The following COL4A2 variants were observed in gnomAD, a reference collection of about 807,000 sequenced individuals.
The protein encoded by COL4A2 is collagen alpha-2(IV) chain.
In COL4A2, 99 loss-of-function variants were observed where a neutral mutation model predicts 200.2. The ratio of observed to expected loss-of-function variants is 0.49; its 90% CI spans 0.42 to 0.58. The LOEUF (loss-of-function observed/expected upper bound fraction) is 0.58. Ranked by LOEUF, COL4A2 falls within the 20% of genes least tolerant of loss-of-function variation. The probability of loss-of-function intolerance (pLI) is 0.00; values close to 1 mark genes in which losing one functional copy is unlikely to be tolerated. For missense variants in COL4A2, 1,950 were observed against 2,314.1 expected, an observed-to-expected ratio of 0.84 and a Z score of 3.23; for synonymous variants, 897 against 900.6, an observed-to-expected ratio of 1.00 and a Z score of 0.07.
intron 29 of COL4A2, among the ~76,000 whole-genome samples, chr13:110,476,084 T>G (rs1369659725): frequency 6.6e-6 from 1 of 152,182 alleles, no homozygotes; most frequent in South Asian, 2.1e-4. Flanking sequence ...TGCTGCCCCC[T>G]GCTGAGGCCA....
chr13:110,365,158 C>T (rs1283869552), intron 4 of COL4A2, among the ~76,000 whole-genome samples: 1 of 149,360 alleles, frequency 6.7e-6, no homozygotes, highest in African/African-American at 2.5e-5. Context: ...TTTTTTTTTT[C>T]GAGGCGGAGT....
At chr13:110,335,810 AACTACTTCACATAT>A (rs1235044426) in intron 3 of COL4A2, among the ~76,000 whole-genome samples, 1 of 152,228 alleles carries the variant, frequency 6.6e-6, no homozygotes, top group Non-Finnish European at 1.5e-5. Context: ...ATGGAGTTTA[AACTACTTCACATAT>A]ACTATTTCAC....
intron 3 of COL4A2, among the ~76,000 whole-genome samples, chr13:110,338,825 G>A (rs1012328056): frequency 3.9e-5 from 6 of 152,242 alleles, no homozygotes; most frequent in African/African-American, 1.4e-4. Context: ...AAGAACGACT[G>A]GCTGCTGCCC....
At chr13:110,368,576 G>A (rs1036986168) in intron 4 of COL4A2, among the ~76,000 whole-genome samples, 1 of 152,130 alleles carries the variant, frequency 6.6e-6, no homozygotes, top group Non-Finnish European at 1.5e-5. Context: ...TCTTAGAAAT[G>A]ATTGCTCGTC....
At chr13:110,481,172 GT>G (rs1431885212) in intron 31 of COL4A2, among the ~76,000 whole-genome samples, 1 of 45,124 alleles carries the variant, frequency 2.2e-5, no homozygotes, top group African/African-American at 1.3e-4. Flanking sequence ...CTGTCCCTCC[GT>G]TGCTGGAGAC....
intron 24 of COL4A2, among the ~76,000 whole-genome samples, chr13:110,464,258 G>A (rs370225717): frequency 1.2e-4 from 19 of 152,250 alleles, no homozygotes; most frequent in African/African-American, 3.9e-4. Flanking sequence ...GCAGGTGGTC[G>A]GAGCAGGGTT....
chr13:110,360,816 G>A (rs1877482244), intron 4 of COL4A2, among the ~76,000 whole-genome samples: 1 of 151,760 alleles, frequency 6.6e-6, no homozygotes. Context: ...CTGGACTGTG[G>A]GATCCACTGT....
chr13:110,370,212 GA>G (rs145251384), intron 4 of COL4A2, among the ~76,000 whole-genome samples: 4 of 148,402 alleles, frequency 2.7e-5, no homozygotes, highest in Admixed American at 6.7e-5. Flanking sequence ...CCAAAAAAAA[GA>G]AAAAAAAAAC....
intron 3 of COL4A2, among the ~76,000 whole-genome samples, chr13:110,336,463 C>T (rs932587597): frequency 2.0e-5 from 3 of 152,146 alleles, no homozygotes; most frequent in African/African-American, 4.8e-5. Flanking sequence ...CAATAGCGGC[C>T]GCTGGAGGAG....
intron 16 of COL4A2, among the ~76,000 whole-genome samples, chr13:110,441,047 C>A (rs1317791557): frequency 6.6e-6 from 1 of 152,238 alleles, no homozygotes; most frequent in Non-Finnish European, 1.5e-5. Flanking sequence ...ATATTTCCAG[C>A]AAACATGCAG....
At chr13:110,456,287 T>C (rs557661990) in intron 20 of COL4A2, 33 of 206,496 alleles carry the variant, frequency 1.6e-4, no homozygotes, top group Admixed American at 1.5e-3. Context: ...ATAACAGTTA[T>C]CCTAACTCCG....
In COL4A2 at chr13:110,489,465, G is replaced by C. The variant is rs1257760606; in HGVS notation, c.3228G>C (p.Gly1076=). The C allele has an allele frequency of 6.2e-7, 1 of 1,614,170 alleles. No homozygotes were observed. Among genetic ancestry groups the C allele is most frequent in the Admixed American group, 1.7e-5 (1 of 60,020 alleles). The change falls in exon 35 of 48, where the codon GGG becomes GGC. Residue 1076 remains glycine (G), a synonymous_variant. Transcript: ENST00000360467. ...IGSRGDKGAP[G]RAGLYGEIGA... is the part of the protein sequence containing the mutation. Reference sequence around the variant, plus strand: ...TTTAGGGTGACAAAGGTGCCCCAGGGAGAGCAGGCCTGTATGGCGAGATTG... The same window carrying C: ...TTTAGGGTGACAAAGGTGCCCCAGGCAGAGCAGGCCTGTATGGCGAGATTG...
In COL4A2 at chr13:110,495,415, C is replaced by T; in HGVS notation, c.3708C>T (p.Thr1236=). ...GERGDPGEAN[T]LPGPVGVPGQ... The stretch of plus-strand genomic sequence containing the variant: ...GAGGTGACCCAGGAGAGGCCAACAC[C>T]CTTCCAGGCCCTGTGGGAGTCCCAG... Residue 1236 remains threonine, a synonymous_variant, in exon 40 of 48, where the codon ACC becomes ACT. Transcript: ENST00000360467. The T allele has an allele frequency of 6.2e-7, 1 of 1,614,056 alleles. No homozygotes were observed. The highest frequency in any genetic ancestry group is 1.3e-5 in the African/African-American group (1 of 75,040).
At chr13:110,488,759 G>T (rs9555710) in intron 34 of COL4A2, among the ~76,000 whole-genome samples, 1 of 152,070 alleles carries the variant, frequency 6.6e-6, no homozygotes, top group Admixed American at 6.5e-5. Flanking sequence ...GCGTGAATAC[G>T]CTCTTGAGAC....
At chr13:110,333,367 C>A (rs1455346017) in intron 3 of COL4A2, among the ~76,000 whole-genome samples, 1 of 152,166 alleles carries the variant, frequency 6.6e-6, no homozygotes, top group East Asian at 1.9e-4. Context: ...ACCCAGTGTC[C>A]ATCCCACATC....
At chr13:110,330,327 T>C (rs1222193958) in intron 3 of COL4A2, among the ~76,000 whole-genome samples, 1 of 152,116 alleles carries the variant, frequency 6.6e-6, no homozygotes, top group African/African-American at 2.4e-5. Flanking sequence ...GATACTGCTG[T>C]AACACGATGT....
chr13:110,360,975 A>G (rs1157420157), intron 4 of COL4A2, among the ~76,000 whole-genome samples: 1 of 152,258 alleles, frequency 6.6e-6, no homozygotes, highest in African/African-American at 2.4e-5. Flanking sequence ...AACAATCAGC[A>G]CACAGGGCTG....
chr13:110,446,020 A>G, intron 17 of COL4A2, 138 bp downstream of exon 17: 1 of 880,870 alleles, frequency 1.1e-6, no homozygotes, highest in East Asian at 2.5e-5. Flanking sequence ...GGCCTCTGAC[A>G]CTGGACAGAC....
chr13:110,487,844 G>T (rs1044297981), intron 34 of COL4A2, among the ~76,000 whole-genome samples: 1 of 152,192 alleles, frequency 6.6e-6, no homozygotes, highest in African/African-American at 2.4e-5. Context: ...ACAGTGTTCT[G>T]TGTCTTTCAG....
Sources: gnomAD v4.1 joint callset for allele counts (sites outside exome capture counted in the v4.1 genomes callset) on GRCh38, gnomAD v4.1.1 for gene constraint, MANE v1.5 for transcripts, NCBI Gene and HGNC (gene_info 2026-07-23, HGNC 2026-07-21) for gene names.